TMPRSS15: variants seen among roughly 807,000 people sequenced by gnomAD.
TMPRSS15 encodes enteropeptidase.
TMPRSS15 carries 128 observed loss-of-function variants against 125.3 expected under a neutral mutation model. The ratio of observed to expected loss-of-function variants is 1.02; its 90% CI spans 0.89 to 1.18. The LOEUF (loss-of-function observed/expected upper bound fraction) is 1.18. Ranked by LOEUF, TMPRSS15 falls within the 50% of genes most tolerant of loss-of-function variation. The pLI, the probability that TMPRSS15 is intolerant of heterozygous loss-of-function variation, is 0.00. For missense variants in TMPRSS15, 1,283 were observed against 1,212.7 expected, an observed-to-expected ratio of 1.06 and a Z score of -0.86; for synonymous variants, 446 against 423.2, an observed-to-expected ratio of 1.05 and a Z score of -0.66.
chr21:18,302,714 T>C (rs2074986394), intron 18 of TMPRSS15, among the ~76,000 whole-genome samples: 1 of 152,188 alleles, frequency 6.6e-6, no homozygotes, highest in Non-Finnish European at 1.5e-5. Context: ...TCTGTTATCT[T>C]ACAGATGCAA....
chr21:18,466,611 G>C (rs915055613), intron 1 of TMPRSS15, among the ~76,000 whole-genome samples: 2 of 152,076 alleles, frequency 1.3e-5, no homozygotes, highest in Non-Finnish European at 2.9e-5. Flanking sequence ...GATATGAACA[G>C]ACACTTCTCA....
chr21:18,380,049 C>G (rs1429353108), intron 4 of TMPRSS15, among the ~76,000 whole-genome samples: 1 of 151,868 alleles, frequency 6.6e-6, no homozygotes, highest in African/African-American at 2.4e-5. Context: ...TCTGAATTCT[C>G]CTTTCCAAAG....
chr21:18,463,131 G>C (rs1272883343), intron 1 of TMPRSS15, among the ~76,000 whole-genome samples: 1 of 150,630 alleles, frequency 6.6e-6, no homozygotes, highest in Non-Finnish European at 1.5e-5. Context: ...GGGCAATTTG[G>C]ACAAAGAGTC....
chr21:18,297,741 T>C lies in TMPRSS15; in HGVS notation c.2254A>G (p.Thr752Ala), dbSNP rs1197694757. 1 of 1,612,444 alleles carries C rather than the reference T, an allele frequency of 6.2e-7. No homozygotes were observed. The change falls in exon 19 of 25, where the codon ACA becomes GCA. Residue 752 changes from threonine (T) to alanine (A), a missense_variant. Transcript: ENST00000284885. ...ACAGATTTAGGGACCCACCTGGGTG[T>C]TAGTATTAAGTGGCCATCAGGTGCT... The part of the protein sequence containing the change: ...NTAPDGHLIL[T>A]PSQQCLQDSL...
At chr21:18,341,665 GA>G in intron 12 of TMPRSS15, 117 bp from the exon 13 acceptor site, 1 of 1,112,604 alleles carries the variant, frequency 9.0e-7, no homozygotes, top group Admixed American at 1.7e-5. Flanking sequence ...TTGTCACCTT[GA>G]ACTATATGGT....
Position 18,421,189 on chromosome 21 carries a change from C to G in TMPRSS15, c.11-22860G>C. Among the ~76,000 whole-genome samples, 2 of 152,196 alleles carry G rather than the reference C, an allele frequency of 1.3e-5. 1 individual carries two copies. The highest frequency in any genetic ancestry group is 4.1e-4 in the South Asian group (2 of 4,820). On this transcript the variant is annotated intron_variant, in intron 1 of 7. Transcript: ENST00000422787. Reference sequence around the variant, plus strand: ...CTTGCAATGATGTAAAAATATGCAGCATATTTCAAATGGATTCTCAATCTT... The same window carrying G: ...CTTGCAATGATGTAAAAATATGCAGGATATTTCAAATGGATTCTCAATCTT...
intron 1 of TMPRSS15, among the ~76,000 whole-genome samples, chr21:18,469,292 G>A (rs1193141987): frequency 6.6e-6 from 1 of 152,080 alleles, no homozygotes; most frequent in Non-Finnish European, 1.5e-5. Flanking sequence ...GCTTTACAAA[G>A]TTATGGTTTA....
chr21:18,435,863 A>G (rs113426842), intron 1 of TMPRSS15, among the ~76,000 whole-genome samples: 9,655 of 151,858 alleles, frequency 0.064, 588 homozygotes, highest in African/African-American at 0.15. Context: ...GTCTTGGGAG[A>G]GTGTATGTGT....
intron 18 of TMPRSS15, among the ~76,000 whole-genome samples, chr21:18,312,723 T>C (rs1330499681): frequency 6.6e-6 from 1 of 151,946 alleles, no homozygotes; most frequent in Admixed American, 6.6e-5. Flanking sequence ...TTGTATTTTA[T>C]ATAATATTTA....
chr21:18,358,669 C>T (rs2147019399), intron 8 of TMPRSS15, among the ~76,000 whole-genome samples: 1 of 151,896 alleles, frequency 6.6e-6, no homozygotes, highest in Non-Finnish European at 1.5e-5. Context: ...TGATTTCTGC[C>T]TCCAACACTG....
chr21:18,287,340 G>A (rs537283850), intron 21 of TMPRSS15, among the ~76,000 whole-genome samples: 9 of 152,090 alleles, frequency 5.9e-5, no homozygotes, highest in Non-Finnish European at 7.4e-5. Flanking sequence ...GCAGAGTTGC[G>A]TATCAATCCA....
rs1333692391 is a variant in TMPRSS15 at position 18,373,094 on chromosome 21, C to A, written c.533-770G>T. Among the ~76,000 whole-genome samples, 3 of 152,120 alleles carry A rather than the reference C, an allele frequency of 2.0e-5. No individual in the cohort carries two copies. The East Asian group carries it at 5.8e-4, about 29-fold the overall frequency. ...GTTTTGGAACTCTTTAACTCATCAGCATTTTTTTTTCTTTTTGGTTGTTGT... is the reference window on the plus strand; with the variant it reads ...GTTTTGGAACTCTTTAACTCATCAGAATTTTTTTTTCTTTTTGGTTGTTGT... On this transcript the variant is annotated intron_variant, in intron 5 of 24. Coordinates refer to ENST00000284885, the MANE Select transcript of TMPRSS15 (RefSeq NM_002772.3).
chr21:18,340,407 ACAAT>A (rs2075434948), intron 13 of TMPRSS15, among the ~76,000 whole-genome samples: 2 of 152,138 alleles, frequency 1.3e-5, no homozygotes, highest in Admixed American at 6.5e-5. Context: ...TGAAGGCTGC[ACAAT>A]CAGCTTTCCT....
At chr21:18,340,442 T>C (rs1053861077) in intron 13 of TMPRSS15, among the ~76,000 whole-genome samples, 1 of 152,162 alleles carries the variant, frequency 6.6e-6, no homozygotes, top group African/African-American at 2.4e-5. Context: ...TTTGGGGACT[T>C]GGACTGGCTT....
At position 18,359,876 on chromosome 21, in the gene TMPRSS15, CA is replaced by C; in HGVS notation, c.774-14del. 1.6e-6 allele frequency: 2 copies of C among 1,289,834 alleles called. No individual in the cohort carries two copies. The highest frequency in any genetic ancestry group is 2.2e-6 in the Non-Finnish European group (2 of 889,692). The allele number at this position is 1,289,834 out of a possible 1,614,324, so 79.9% of individuals were successfully genotyped here. A position where few individuals can be genotyped will look rare whatever the true frequency, so the allele number is the denominator to read the frequency against. On this transcript the variant is annotated splice_polypyrimidine_tract_variant and intron_variant, in intron 7 of 24. Coordinates refer to ENST00000284885, the MANE Select transcript of TMPRSS15 (RefSeq NM_002772.3). ...TCCTTGGTTTACACTAAATTAAAAG[CA>C]AAAAATAGATTACCAAATTTTTAAC...
chr21:18,465,411 G>A (rs1978639992), intron 1 of TMPRSS15, among the ~76,000 whole-genome samples: 1 of 152,128 alleles, frequency 6.6e-6, no homozygotes, highest in East Asian at 1.9e-4. Flanking sequence ...TTCTTGCCAG[G>A]GAAATCAGGC....
chr21:18,341,649 T>A, intron 12 of TMPRSS15, 101 bp from the exon 13 acceptor site: 1 of 1,238,736 alleles, frequency 8.1e-7, no homozygotes, highest in Non-Finnish European at 1.2e-6. Context: ...GTCTAGAGAT[T>A]CAATATTGTC....
intron 7 of TMPRSS15, among the ~76,000 whole-genome samples, chr21:18,360,338 T>C (rs1385695281): frequency 6.6e-6 from 1 of 152,154 alleles, no homozygotes; most frequent in East Asian, 1.9e-4. Flanking sequence ...CATCGGATTA[T>C]GGACACTCAC....
chr21:18,362,098 G>C (rs939109735), intron 7 of TMPRSS15, among the ~76,000 whole-genome samples: 1 of 152,130 alleles, frequency 6.6e-6, no homozygotes, highest in Admixed American at 6.6e-5. Context: ...ACCACCGGCA[G>C]AGGTAAGGGG....
Sources: gnomAD v4.1 joint callset for allele counts (sites outside exome capture counted in the v4.1 genomes callset) on GRCh38, gnomAD v4.1.1 for gene constraint, MANE v1.5 for transcripts, NCBI Gene and HGNC (gene_info 2026-07-23, HGNC 2026-07-21) for gene names.